The following TYSND1 variants were observed in gnomAD, a reference collection of about 807,000 sequenced individuals.
TYSND1 encodes peroxisomal leader peptide-processing protease.
Under a neutral mutation model 37.2 loss-of-function variants are expected in TYSND1, and 30 were observed. The ratio of observed to expected loss-of-function variants is 0.81; its 90% confidence interval spans 0.60 to 1.09. TYSND1 has a LOEUF of 1.09. Among genes scored for constraint, TYSND1 ranks in the 50% least tolerant of loss-of-function variants. The pLI is 0.00. For synonymous variants in TYSND1, 364 were observed against 383.8 expected (o/e 0.95, Z 0.60); for missense variants, 806 against 817.4 (o/e 0.99, Z 0.17).
Position 70,144,813 on chromosome 10 carries a change from T to C in TYSND1, c.1166+608A>G, listed in dbSNP as rs778329657. ...CTGGGCAGTGTTACCCACACCTGGCTAAGCTTGGGGATTCAGGAAGAGATT... is the reference window on the plus strand; with the variant it reads ...CTGGGCAGTGTTACCCACACCTGGCCAAGCTTGGGGATTCAGGAAGAGATT... On this transcript the variant is annotated intron_variant, in intron 1 of 3. Coordinates refer to ENST00000287078, the MANE Select transcript of TYSND1 (RefSeq NM_173555.4). 499 of 984,868 alleles carry C rather than the reference T, an allele frequency of 5.1e-4. 1 individual carries two copies. Among genetic ancestry groups the C allele is most frequent in the Non-Finnish European group, 5.7e-4 (469 of 829,510 alleles). 61.0% of individuals were successfully genotyped at this position (984,868 alleles called of 1,614,324 possible). A position where few individuals can be genotyped will look rare whatever the true frequency, so the allele number is the denominator to read the frequency against.
Position 70,140,123 on chromosome 10 carries a change from G to C in TYSND1, c.1502C>G (p.Thr501Ser). The C allele has an allele frequency of 6.2e-7, 1 of 1,610,758 alleles. No homozygotes were observed. Among genetic ancestry groups the C allele is most frequent in the Non-Finnish European group, 8.5e-7 (1 of 1,177,498 alleles). The change falls in exon 4 of 4, where the codon ACC becomes AGC. Residue 501 changes from threonine (T) to serine (S), a missense_variant. Thr to Ser is a moderately conservative substitution (Grantham distance 58). This residue lies in a region of TYSND1 where 708 missense variants were observed against 705.4 expected (regional missense o/e 1.00). Coordinates refer to ENST00000287078, the MANE Select transcript of TYSND1 (RefSeq NM_173555.4). ...GNLLGIITSN[T>S]RDNNTGATYP... The stretch of plus-strand genomic sequence containing the variant: ...GGTGGCCCCCGTATTATTGTCCCGG[G>C]TGTTGCTGGTGATTATGCCTGTTGA...
Position 70,146,408 on chromosome 10 carries a change from C to G in TYSND1, c.179G>C (p.Gly60Ala). 1.3e-6 allele frequency: 2 copies of G among 1,596,870 alleles called. No individual in the cohort carries two copies. The highest frequency in any genetic ancestry group is 1.7e-6 in the Non-Finnish European group (2 of 1,176,352). Residue 60 changes from glycine (G) to alanine (A), a missense_variant, in exon 1 of 4, where the codon GGC becomes GCC. This residue lies in a region of TYSND1 where 14 missense variants were observed against 33.0 expected (regional missense o/e 0.42). Coordinates refer to ENST00000287078, the MANE Select transcript of TYSND1 (RefSeq NM_173555.4). Reference sequence around the variant, plus strand: ...GCCGGCCGCGGTCAGGACTTCGCTGCCAGCTCGCAGGAAGGGGACGAAGAT... The same window carrying G: ...GCCGGCCGCGGTCAGGACTTCGCTGGCAGCTCGCAGGAAGGGGACGAAGAT... ...GGIFVPFLRA[G>A]SEVLTAAGAV... is the part of the protein sequence containing the mutation.
intron 2 of TYSND1, 51 bp from the exon 3 acceptor site, chr10:70,142,904 G>A (rs1357209716): frequency 3.8e-6 from 6 of 1,588,924 alleles, no homozygotes; most frequent in Non-Finnish European, 5.2e-6. Context: ...GTTACAGCAG[G>A]ACTCACACTC....
chr10:70,142,292 C>G (rs1330961830), intron 3 of TYSND1, among the ~76,000 whole-genome samples: 4 of 152,230 alleles, frequency 2.6e-5, no homozygotes, highest in Non-Finnish European at 5.9e-5. Flanking sequence ...TCTGCAGCAG[C>G]TGAGTCGAGT....
intron 3 of TYSND1, among the ~76,000 whole-genome samples, chr10:70,141,282 A>C (rs987505316): frequency 1.0e-4 from 14 of 133,930 alleles, no homozygotes; most frequent in Non-Finnish European, 1.6e-4. Flanking sequence ...TATTTTTTTG[A>C]GATGGGTCTC....
At chr10:70,142,499 C>T (rs751368694) in intron 3 of TYSND1, among the ~76,000 whole-genome samples, 169 bp downstream of exon 3, 2 of 152,188 alleles carry the variant, frequency 1.3e-5, no homozygotes, top group South Asian at 2.1e-4. Flanking sequence ...GTCCAGCATC[C>T]GTCCCTCTCC....
chr10:70,146,470 C>T lies in TYSND1; in HGVS notation c.117G>A (p.Leu39=). The change falls in exon 1 of 4, where the codon CTG becomes CTA. Residue 39 remains leucine, a synonymous_variant. Transcript: ENST00000287078. The part of the protein sequence containing the change: ...AGPWSCSGVI[L]SRSPGLVLCH... ...AAAGCACCAGGCCCGGGCTACGGCTCAGGATTACCCCGCTGCAGCTCCACG... is the reference window on the plus strand; with the variant it reads ...AAAGCACCAGGCCCGGGCTACGGCTTAGGATTACCCCGCTGCAGCTCCACG... The T allele has an allele frequency of 3.1e-6, 5 of 1,603,072 alleles. No individual in the cohort carries two copies. Among genetic ancestry groups the T allele is most frequent in the Non-Finnish European group, 4.2e-6 (5 of 1,178,626 alleles).
rs1373716673 is a variant in TYSND1 at position 70,145,660 on chromosome 10, C to T, written c.927G>A (p.Ala309=). The part of the protein sequence containing the change: ...AAPLFRAARD[A]LHRLPHSTAA... ...CGGTGCTGTGCGGCAGGCGGTGAAG[C>T]GCGTCGCGGGCGGCGCGGAAAAGGG... Residue 309 remains alanine, a synonymous_variant, in exon 1 of 4, where the codon GCG becomes GCA. Transcript: ENST00000287078. The T allele has an allele frequency of 1.4e-5, 19 of 1,390,814 alleles. No individual in the cohort carries two copies. The South Asian group carries it at 2.6e-4, about 19-fold the overall frequency. The allele number at this position is 1,390,814 out of a possible 1,614,324, so 86.2% of individuals were successfully genotyped here.
In TYSND1 at chr10:70,139,819, G is replaced by A; in HGVS notation, c.*105C>T. 8.6e-7 allele frequency: 1 copy of A among 1,162,938 alleles called. No individual in the cohort carries two copies. Among genetic ancestry groups the A allele is most frequent in the Non-Finnish European group, 1.2e-6 (1 of 824,728 alleles). 72.0% of individuals were successfully genotyped at this position (1,162,938 alleles called of 1,614,324 possible). A position where few individuals can be genotyped will look rare whatever the true frequency, so the allele number is the denominator to read the frequency against. On this transcript the variant is annotated 3_prime_UTR_variant, in exon 4 of 4. Coordinates refer to ENST00000287078, the MANE Select transcript of TYSND1 (RefSeq NM_173555.4). ...TGGGTGGAGATGAGAGGCAGCCTGG[G>A]CCCCTGCAGGGGCTGGGCCCTGAAT... is the stretch of plus-strand genomic sequence containing the variant.
intron 1 of TYSND1, chr10:70,144,631 C>T: frequency 1.1e-5 from 11 of 985,878 alleles, no homozygotes; most frequent in Non-Finnish European, 1.3e-5. Flanking sequence ...GGGGTAGCTT[C>T]CAACAGACCT....
rs1015281113 is a variant in TYSND1 at position 70,145,598 on chromosome 10, A to T, written c.989T>A (p.Val330Asp). The stretch of plus-strand genomic sequence containing the variant: ...GTCTCGGAGGGGCAGACCCCACGGG[A>T]CGCCCACCTCTGGCGGCAGAAGGGC... Reference protein sequence around the residue: ...LAALLPPEVGVPWGLPLRDSG... With the variant: ...LAALLPPEVGDPWGLPLRDSG... The change falls in exon 1 of 4, where the codon GTC becomes GAC. Residue 330 changes from valine to aspartate, a missense_variant. Val to Asp is a radical substitution (Grantham distance 152). This residue lies in a region of TYSND1 where 708 missense variants were observed against 705.4 expected (regional missense o/e 1.00). Coordinates refer to ENST00000287078, the MANE Select transcript of TYSND1 (RefSeq NM_173555.4). 1 of 1,448,622 alleles carries T rather than the reference A, an allele frequency of 6.9e-7. No individual in the cohort carries two copies. Among genetic ancestry groups the T allele is most frequent in the South Asian group, 1.4e-5 (1 of 73,540 alleles). 89.7% of individuals were successfully genotyped at this position (1,448,622 alleles called of 1,614,324 possible). A position where few individuals can be genotyped will look rare whatever the true frequency, so the allele number is the denominator to read the frequency against.
chr10:70,140,146 T>C lies in TYSND1; in HGVS notation c.1484-5A>G, dbSNP rs1564560677. On this transcript the variant is annotated splice_region_variant and splice_polypyrimidine_tract_variant and intron_variant, in intron 3 of 3. Coordinates refer to ENST00000287078, the MANE Select transcript of TYSND1 (RefSeq NM_173555.4). ...GGGTGTTGCTGGTGATTATGCCTGT[T>C]GAGGAGTCAGAGAGCAAAAGAGGAT... 1 of 1,599,088 alleles carries C rather than the reference T, an allele frequency of 6.3e-7. No homozygotes were observed. The highest frequency in any genetic ancestry group is 1.1e-5 in the South Asian group (1 of 89,590).
rs576765554 is a variant in TYSND1 at position 70,145,307 on chromosome 10, C to G, written c.1166+114G>C. On this transcript the variant is annotated intron_variant, in intron 1 of 3. Transcript: ENST00000287078. ...GTTCCAGGTCTCTACCCACTACACG[C>G]CCAAAGCATCCGCGTGACACAAGAA... The G allele has an allele frequency of 1.0e-5, 11 of 1,063,814 alleles. No homozygotes were observed. In the African/African-American group the frequency reaches 1.8e-4, roughly 18 times the overall value. 65.9% of individuals were successfully genotyped at this position (1,063,814 alleles called of 1,614,324 possible).
At chr10:70,143,794 C>T (rs1415139599) in intron 2 of TYSND1, 48 bp downstream of exon 2, 2 of 1,609,268 alleles carry the variant, frequency 1.2e-6, no homozygotes, top group Non-Finnish European at 8.5e-7. Flanking sequence ...CTGAGGCCCA[C>T]CCTAGCTCAG....
rs1476283710 is a variant in TYSND1, at chr10:70,145,726, G to A, written c.861C>T (p.Ala287=). Residue 287 remains alanine, a synonymous_variant, in exon 1 of 4, where the codon GCC becomes GCT. Coordinates refer to ENST00000287078, the MANE Select transcript of TYSND1 (RefSeq NM_173555.4). Reference sequence around the variant, plus strand: ...GCAGCGTGAAGCCCACCCATTCGCCGGCCTTCCAACAGAGCGGCGCCACCA... The same window carrying A: ...GCAGCGTGAAGCCCACCCATTCGCCAGCCTTCCAACAGAGCGGCGCCACCA... ...ALVVAPLCWK[A]GEWVGFTLLC... is the part of the protein sequence containing the mutation. 7 of 1,414,056 alleles carry A rather than the reference G, an allele frequency of 5.0e-6. No homozygotes were observed. The highest frequency in any genetic ancestry group is 1.5e-5 in the African/African-American group (1 of 65,710). The allele number at this position is 1,414,056 out of a possible 1,614,324, so 87.6% of individuals were successfully genotyped here.
At chr10:70,145,283 T>G in intron 1 of TYSND1, 138 bp downstream of exon 1, 1 of 797,874 alleles carries the variant, frequency 1.3e-6, no homozygotes, top group Non-Finnish European at 1.7e-6. Flanking sequence ...GAGGGGAGGG[T>G]TCCAGGTCTC....
intron 1 of TYSND1, 102 bp downstream of exon 1, chr10:70,145,319 G>T (rs1305217080): frequency 3.6e-5 from 41 of 1,127,678 alleles, no homozygotes; most frequent in Non-Finnish European, 4.2e-5. Flanking sequence ...CAAAGCATCC[G>T]CGTGACACAA....
At chr10:70,140,190 A>T in intron 3 of TYSND1, 49 bp from the exon 4 acceptor site, 1 of 1,489,424 alleles carries the variant, frequency 6.7e-7, no homozygotes, top group Non-Finnish European at 9.2e-7. Context: ...GGGGGCAGAA[A>T]GGCTGGAGAA....
rs965583380 is a variant in TYSND1 at position 70,146,269 on chromosome 10, G to A, written c.318C>T (p.Cys106=). The part of the protein sequence containing the change: ...GGAERGRPGL[C]TPQCASLEPG... ...GCTCGAGGCTCGCGCACTGGGGCGT[G>A]CACAGCCCTGGGCGGCCCCGCTCCG... is the stretch of plus-strand genomic sequence containing the variant. The change falls in exon 1 of 4, where the codon TGC becomes TGT. Residue 106 remains cysteine, a synonymous_variant. Coordinates refer to ENST00000287078, the MANE Select transcript of TYSND1 (RefSeq NM_173555.4). The A allele has an allele frequency of 2.7e-6, 4 of 1,477,510 alleles. No homozygotes were observed. The highest frequency in any genetic ancestry group is 1.4e-5 in the African/African-American group (1 of 69,608). The allele number at this position is 1,477,510 out of a possible 1,614,324, so 91.5% of individuals were successfully genotyped here.
Sources: allele counts gnomAD v4.1 joint callset (sites outside exome capture counted in the v4.1 genomes callset), GRCh38; gene constraint gnomAD v4.1.1; regional missense constraint gnomAD v4.1.1; transcripts MANE v1.5; gene names NCBI Gene and HGNC (gene_info 2026-07-23, HGNC 2026-07-21).